The following IL1RAPL1 variants were observed in gnomAD, a reference collection of about 807,000 sequenced individuals.
IL1RAPL1 encodes interleukin-1 receptor accessory protein-like 1.
IL1RAPL1 carries 3 observed loss-of-function variants against 48.4 expected under a neutral mutation model. The ratio of observed to expected loss-of-function variants is 0.06; its 90% confidence interval spans 0.03 to 0.16. IL1RAPL1 has a LOEUF of 0.16. Ranked by LOEUF, IL1RAPL1 falls within the 10% of genes least tolerant of loss-of-function variation. IL1RAPL1 has a pLI of 1.00. For missense variants in IL1RAPL1, 349 were observed against 530.6 expected, an observed-to-expected ratio of 0.66 and a Z score of 3.36; for synonymous variants, 185 against 187.7, an observed-to-expected ratio of 0.99 and a Z score of 0.12.
intron 2 of IL1RAPL1, among the ~76,000 whole-genome samples, chrX:29,270,281 A>G (rs951034270): frequency 8.9e-6 from 1 of 111,937 alleles, no homozygotes; most frequent in African/African-American, 3.2e-5. Flanking sequence ...GAGCAGCTAG[A>G]TGACGTGAAG....
intron 3 of IL1RAPL1, among the ~76,000 whole-genome samples, chrX:29,325,780 G>A (rs953379470): frequency 8.9e-6 from 1 of 111,960 alleles, no homozygotes; most frequent in East Asian, 2.8e-4. Context: ...CAAGAAGCAC[G>A]GTGCTGGCAT....
chrX:29,632,484 C>A (rs1358949817), intron 5 of IL1RAPL1, among the ~76,000 whole-genome samples: 3 of 111,421 alleles, frequency 2.7e-5, no homozygotes, highest in Non-Finnish European at 5.6e-5. Context: ...TCACTGAATT[C>A]TAGGCTTCTG....
At chrX:28,799,246 A>C (rs1336682025) in intron 2 of IL1RAPL1, among the ~76,000 whole-genome samples, 2 of 112,431 alleles carry the variant, frequency 1.8e-5, no homozygotes, top group Non-Finnish European at 3.8e-5. Flanking sequence ...TACTTATTGA[A>C]GGAAAATAGT....
At chrX:29,225,382 T>G (rs749787665) in intron 2 of IL1RAPL1, among the ~76,000 whole-genome samples, 3 of 111,697 alleles carry the variant, frequency 2.7e-5, no homozygotes, top group East Asian at 5.6e-4. Flanking sequence ...CAGCAGAGAG[T>G]GATCAATATT....
intron 3 of IL1RAPL1, among the ~76,000 whole-genome samples, chrX:29,393,400 C>T (rs1458739695): frequency 1.8e-5 from 2 of 111,994 alleles, no homozygotes; most frequent in African/African-American, 3.2e-5. Context: ...GGATTACAGG[C>T]TTGAGCCACC....
chrX:28,915,043 T>G (rs1252125518), intron 2 of IL1RAPL1, among the ~76,000 whole-genome samples: 5 of 111,296 alleles, frequency 4.5e-5, no homozygotes, highest in Non-Finnish European at 9.4e-5. Context: ...GCAGGGGCAA[T>G]GGTTTGGGGT....
chrX:29,698,050 A>T (rs1237018326), intron 6 of IL1RAPL1, among the ~76,000 whole-genome samples: 1 of 110,464 alleles, frequency 9.1e-6, no homozygotes, highest in African/African-American at 3.3e-5. Context: ...TCCTCCCCTC[A>T]TCTTTACTTT....
At chrX:29,229,554 G>C (rs1160114508) in intron 2 of IL1RAPL1, among the ~76,000 whole-genome samples, 1 of 111,577 alleles carries the variant, frequency 9.0e-6, no homozygotes, top group Non-Finnish European at 1.9e-5. Context: ...TTCCTTTTTT[G>C]TACAGGAAAC....
chrX:29,104,066 T>C (rs1928398936), intron 2 of IL1RAPL1, among the ~76,000 whole-genome samples: 1 of 111,691 alleles, frequency 9.0e-6, no homozygotes, highest in Non-Finnish European at 1.9e-5. Flanking sequence ...AGTTTTGTGG[T>C]TCCTCGAAAA....
At chrX:29,726,939 A>G (rs1448038300) in intron 6 of IL1RAPL1, among the ~76,000 whole-genome samples, 1 of 112,279 alleles carries the variant, frequency 8.9e-6, no homozygotes, top group Admixed American at 9.4e-5. Flanking sequence ...CTTCATTGCA[A>G]TGAGTGCCTT....
intron 3 of IL1RAPL1, among the ~76,000 whole-genome samples, chrX:29,323,735 A>T (rs1932822827): frequency 2.0e-4 from 2 of 9,859 alleles, no homozygotes; most frequent in Admixed American, 1.0e-3. Flanking sequence ...ATATATATAT[A>T]TATATATATA....
chrX:29,489,445 CA>C (rs1382927663), intron 5 of IL1RAPL1, among the ~76,000 whole-genome samples: 2 of 111,395 alleles, frequency 1.8e-5, no homozygotes, highest in East Asian at 5.6e-4. Context: ...CTAAGCTAAA[CA>C]AAAAATGATT....
chrX:29,903,178 G>GTGTA (rs1363490284), intron 6 of IL1RAPL1, among the ~76,000 whole-genome samples: 1 of 106,627 alleles, frequency 9.4e-6, no homozygotes, highest in Admixed American at 1.0e-4. Context: ...GTGTGTGTGT[G>GTGTA]TGTGTGAGAG....
Position 29,216,276 on chromosome X carries a change from A to G in IL1RAPL1, c.83-66662A>G, listed in dbSNP as rs762041452. 9.0e-5 allele frequency among the ~76,000 whole-genome samples: 10 copies of G among 110,745 alleles called. No homozygotes were observed. In the South Asian group the frequency reaches 3.9e-3, roughly 43 times the overall value. ...GCGATCACAATTCGCTGTAGCCTCA[A>G]CCTACCAGGCTCAAGTGATCCTCCC... On this transcript the variant is annotated intron_variant, in intron 2 of 10. Coordinates refer to ENST00000378993, the MANE Select transcript of IL1RAPL1 (RefSeq NM_014271.4).
intron 2 of IL1RAPL1, among the ~76,000 whole-genome samples, chrX:29,139,412 A>C (rs1045232469): frequency 1.8e-5 from 2 of 111,279 alleles, no homozygotes; most frequent in Non-Finnish European, 3.8e-5. Flanking sequence ...GAACTCAATA[A>C]TATATAATTC....
intron 2 of IL1RAPL1, among the ~76,000 whole-genome samples, chrX:29,144,603 C>CAA (rs1235048808): frequency 1.8e-3 from 39 of 21,181 alleles, no homozygotes; most frequent in African/African-American, 2.3e-3. Flanking sequence ...AACTCAGTCT[C>CAA]AAAAAAAAAA....
Position 29,816,244 on chromosome X carries a change from A to G in IL1RAPL1, c.779-101220A>G, listed in dbSNP as rs186549501. ...AATCAGATATTACAAAGGTGACATTATAACAAATCCCACAGAAATACAAAA... is the reference window on the plus strand; with the variant it reads ...AATCAGATATTACAAAGGTGACATTGTAACAAATCCCACAGAAATACAAAA... On this transcript the variant is annotated intron_variant, in intron 6 of 10. Transcript: ENST00000378993. Among the ~76,000 whole-genome samples, 156 of 111,353 alleles carry G rather than the reference A, an allele frequency of 1.4e-3. 2 individuals are homozygous for G. The highest frequency in any genetic ancestry group is 5.0e-3 in the African/African-American group (154 of 30,765).
At position 29,171,410 on chromosome X, in the gene IL1RAPL1, G is replaced by C. The variant is rs187784408; in HGVS notation, c.83-111528G>C. ...TCAATTTTTTTCACCCATAAAATCG[G>C]TGTTAGATTTCCTACTTTCCCAGGA... On this transcript the variant is annotated intron_variant, in intron 2 of 10. Transcript: ENST00000378993. Among the ~76,000 whole-genome samples the C allele has an allele frequency of 6.3e-5, 7 of 111,507 alleles. No homozygotes were observed. The Admixed American group carries it at 6.7e-4, about 11-fold the overall frequency.
intron 5 of IL1RAPL1, among the ~76,000 whole-genome samples, chrX:29,462,565 C>T (rs1049396465): frequency 9.0e-6 from 1 of 111,587 alleles, no homozygotes; most frequent in African/African-American, 3.3e-5. Context: ...CCTCTCTCCC[C>T]TGCTGCCTCC....
Sources: gnomAD v4.1 joint callset for allele counts (sites outside exome capture counted in the v4.1 genomes callset) on GRCh38, gnomAD v4.1.1 for gene constraint, MANE v1.5 for transcripts, NCBI Gene and HGNC (gene_info 2026-07-23, HGNC 2026-07-21) for gene names.